The following CAMK4 variants were observed in gnomAD, a reference collection of about 807,000 sequenced individuals.
CAMK4 encodes calcium/calmodulin-dependent protein kinase type IV.
A neutral mutation model predicts 44.9 loss-of-function variants in CAMK4; 22 were observed. The ratio of observed to expected loss-of-function variants is 0.49; its 90% CI spans 0.35 to 0.70. The LOEUF is 0.70. CAMK4 is among the 30% of genes least tolerant of loss of function. CAMK4 has a pLI of 0.01. For synonymous variants in CAMK4, 218 were observed against 215.4 expected (o/e 1.01, Z -0.11); for missense variants, 498 against 586.8 (o/e 0.85, Z 1.56).
chr5:111,480,288 A>ACACACACACACACACACC lies in CAMK4; in HGVS notation c.828+1782_828+1783insACACACACACACACACCC, dbSNP rs1364533152. On this transcript the variant is annotated intron_variant, in intron 9 of 10. Transcript: ENST00000282356. The stretch of plus-strand genomic sequence containing the variant: ...CACACACACACACACACACACACAC[A>ACACACACACACACACACC]CCCCTGGGTAACTCTTATTCTCAAG... 2.5e-4 allele frequency among the ~76,000 whole-genome samples: 36 copies of ACACACACACACACACACC among 145,222 alleles called. 1 individual carries two copies. The highest frequency in any genetic ancestry group is 9.3e-4 in the African/African-American group (36 of 38,898).
At chr5:111,283,470 T>C (rs1751106343) in intron 1 of CAMK4, among the ~76,000 whole-genome samples, 3 of 152,234 alleles carry the variant, frequency 2.0e-5, no homozygotes, top group African/African-American at 7.2e-5. Context: ...AAAGTATCAA[T>C]GAATGAGCAG....
rs371085970 is a variant in CAMK4 at position 111,394,739 on chromosome 5, G to A, written c.416G>A (p.Arg139Gln). 15 of 1,612,740 alleles carry A rather than the reference G, an allele frequency of 9.3e-6. No homozygotes were observed. The highest frequency in any genetic ancestry group is 5.3e-5 in the African/African-American group (4 of 74,836). Residue 139 changes from arginine (R) to glutamine (Q), a missense_variant, in exon 5 of 11, where the codon CGA becomes CAA. Transcript: ENST00000282356. Reference sequence around the variant, plus strand: ...GTGGAAAAGGGATATTACAGTGAGCGAGATGCTGCAGATGCCGTTAAACAA... The same window carrying A: ...GTGGAAAAGGGATATTACAGTGAGCAAGATGCTGCAGATGCCGTTAAACAA... Reference protein sequence around the residue: ...RIVEKGYYSERDAADAVKQIL... With the variant: ...RIVEKGYYSEQDAADAVKQIL...
In CAMK4 at chr5:111,224,674, C is replaced by A; in HGVS notation, c.161+30C>A. Reference sequence around the variant, plus strand: ...GGCGCGGGCTCCGGCTGGGGAAGCCCGCGGCGTGCACTGGGGGTTGTCCCT... The same window carrying A: ...GGCGCGGGCTCCGGCTGGGGAAGCCAGCGGCGTGCACTGGGGGTTGTCCCT... On this transcript the variant is annotated intron_variant, in intron 1 of 10. Transcript: ENST00000282356. The surrounding 1 kb of genome is among the most constrained non-coding windows in gnomAD (Gnocchi z 5.7). 6.3e-7 allele frequency: 1 copy of A among 1,588,364 alleles called. No individual in the cohort carries two copies.
At chr5:111,347,361 A>C (rs1348827614) in intron 2 of CAMK4, among the ~76,000 whole-genome samples, 2 of 152,044 alleles carry the variant, frequency 1.3e-5, no homozygotes, top group Non-Finnish European at 1.5e-5. Flanking sequence ...ATGAGATGCT[A>C]TCTTTAATTT....
At chr5:111,245,588 T>C (rs1749197366) in intron 1 of CAMK4, among the ~76,000 whole-genome samples, 1 of 152,194 alleles carries the variant, frequency 6.6e-6, no homozygotes, top group Non-Finnish European at 1.5e-5. Flanking sequence ...TTCAATTTGG[T>C]TTTTTATTCT....
At chr5:111,323,945 A>G (rs1748768403) in intron 1 of CAMK4, among the ~76,000 whole-genome samples, 1 of 152,070 alleles carries the variant, frequency 6.6e-6, no homozygotes, top group Admixed American at 6.6e-5. Flanking sequence ...TAGGATAATA[A>G]CAGTCCAAAA....
At chr5:111,371,172 A>G (rs150364372) in intron 2 of CAMK4, among the ~76,000 whole-genome samples, 3 of 152,210 alleles carry the variant, frequency 2.0e-5, no homozygotes, top group African/African-American at 7.2e-5. Flanking sequence ...TCTATACCCC[A>G]TGATTGAGCT....
chr5:111,239,362 G>C (rs1253252700), intron 1 of CAMK4, among the ~76,000 whole-genome samples: 4 of 151,752 alleles, frequency 2.6e-5, no homozygotes, highest in Non-Finnish European at 5.9e-5. Context: ...GCTTTCTCTG[G>C]CTGTTATTGT....
chr5:111,330,940 A>G (rs1319675185), intron 1 of CAMK4, among the ~76,000 whole-genome samples: 1 of 151,756 alleles, frequency 6.6e-6, no homozygotes, highest in Non-Finnish European at 1.5e-5. Flanking sequence ...ATACCTTGAT[A>G]CATGCCTTAT....
chr5:111,286,769 G>C (rs762243409), intron 1 of CAMK4, among the ~76,000 whole-genome samples: 10 of 151,920 alleles, frequency 6.6e-5, no homozygotes, highest in Non-Finnish European at 1.3e-4. Context: ...TAAAATTTTT[G>C]TCTAAGCTGG....
intron 5 of CAMK4, among the ~76,000 whole-genome samples, chr5:111,439,245 T>G (rs10066487): frequency 0.81 from 123,126 of 152,106 alleles, 50,233 homozygotes; most frequent in African/African-American, 0.86. Flanking sequence ...ATCTAGATCT[T>G]TCTACTCTTG....
chr5:111,319,718 T>C (rs1262192735), intron 1 of CAMK4, among the ~76,000 whole-genome samples: 1 of 152,148 alleles, frequency 6.6e-6, no homozygotes, highest in Admixed American at 6.6e-5. Flanking sequence ...GCATATCCAG[T>C]TTTGATGAGA....
intron 5 of CAMK4, among the ~76,000 whole-genome samples, chr5:111,415,585 A>G (rs953945132): frequency 2.0e-5 from 3 of 152,226 alleles, no homozygotes; most frequent in African/African-American, 4.8e-5. Flanking sequence ...TGCATAGCAT[A>G]TATAGGTTTC....
chr5:111,348,441 T>C (rs958637688), intron 2 of CAMK4, among the ~76,000 whole-genome samples: 4 of 152,042 alleles, frequency 2.6e-5, no homozygotes, highest in Non-Finnish European at 5.9e-5. Flanking sequence ...ATACTATGGA[T>C]AGTAAAATAT....
chr5:111,257,459 C>G (rs1173432017), intron 1 of CAMK4, among the ~76,000 whole-genome samples: 1 of 152,182 alleles, frequency 6.6e-6, no homozygotes, highest in South Asian at 2.1e-4. Flanking sequence ...TCATCTCACA[C>G]CAGTCAGAAT....
chr5:111,409,607 C>G (rs1752560845), intron 5 of CAMK4, among the ~76,000 whole-genome samples: 1 of 152,216 alleles, frequency 6.6e-6, no homozygotes, highest in African/African-American at 2.4e-5. Flanking sequence ...CTACAGCAGG[C>G]TTGAATGTCT....
At chr5:111,427,363 C>T (rs748166916) in intron 5 of CAMK4, among the ~76,000 whole-genome samples, 2 of 152,190 alleles carry the variant, frequency 1.3e-5, no homozygotes, top group Admixed American at 6.5e-5. Flanking sequence ...TACATGGGTA[C>T]TACGTCAAGG....
intron 2 of CAMK4, among the ~76,000 whole-genome samples, chr5:111,352,660 A>AGAGAGAGG (rs1750162162): frequency 2.9e-5 from 4 of 137,712 alleles, no homozygotes; most frequent in Admixed American, 7.4e-5. Flanking sequence ...AGAGAGAGAG[A>AGAGAGAGG]GAGGGAGAGG....
chr5:111,251,894 CT>C (rs3066630), intron 1 of CAMK4, among the ~76,000 whole-genome samples: 33,058 of 150,074 alleles, frequency 0.22, 4,086 homozygotes, highest in African/African-American at 0.34. Flanking sequence ...GGTTCACTGA[CT>C]TTTTTTTTTA....
Sources: gnomAD v4.1 joint callset for allele counts (sites outside exome capture counted in the v4.1 genomes callset) on GRCh38, gnomAD v4.1.1 for gene constraint, Gnocchi (gnomAD v3.1) non-coding constraint, MANE v1.5 for transcripts, NCBI Gene and HGNC (gene_info 2026-07-23, HGNC 2026-07-21) for gene names.